NUF2: variants seen among roughly 807,000 people sequenced by gnomAD.
NUF2 encodes NUF2 component of NDC80 kinetochore complex.
NUF2 carries 34 observed loss-of-function variants against 61.8 expected under a neutral mutation model. The observed-to-expected ratio is 0.55, with a 90% CI of 0.42 to 0.73. The LOEUF (loss-of-function observed/expected upper bound fraction) is 0.73. Ranked by LOEUF, NUF2 falls within the 30% of genes least tolerant of loss-of-function variation. NUF2 has a pLI of 0.00. For synonymous variants in NUF2, 172 were observed against 181.6 expected, an observed-to-expected ratio of 0.95 and a Z score of 0.42; for missense variants, 445 against 539.1, an observed-to-expected ratio of 0.83 and a Z score of 1.73.
At chr1:163,324,085 A>G (rs559451614) in intron 1 of NUF2, among the ~76,000 whole-genome samples, 16 of 152,300 alleles carry the variant, frequency 1.1e-4, no homozygotes, top group African/African-American at 3.8e-4. Flanking sequence ...TTAGAGGAAG[A>G]TGAATAAGAT....
At chr1:163,323,421 A>G (rs987516813) in intron 1 of NUF2, among the ~76,000 whole-genome samples, 6 of 152,172 alleles carry the variant, frequency 3.9e-5, no homozygotes, top group African/African-American at 1.4e-4. Context: ...CTGGATTCCA[A>G]AAGATCCCAG....
At chr1:163,322,598 T>G (rs1650268018) in intron 1 of NUF2, among the ~76,000 whole-genome samples, 1 of 152,262 alleles carries the variant, frequency 6.6e-6, no homozygotes, top group South Asian at 2.1e-4. Context: ...AACGTTTTAC[T>G]TAATTCATTG....
Position 163,347,862 on chromosome 1 carries a change from G to A in NUF2, c.1048G>A (p.Glu350Lys). The A allele has an allele frequency of 6.2e-7, 1 of 1,612,092 alleles. No homozygotes were observed. The highest frequency in any genetic ancestry group is 8.5e-7 in the Non-Finnish European group (1 of 1,179,176). Reference protein sequence around the residue: ...SFKRLMIVKKEKLATAQFKIN... With the variant: ...SFKRLMIVKKKKLATAQFKIN... The stretch of plus-strand genomic sequence containing the variant: ...CAAAAGACTGATGATTGTGAAGAAG[G>A]AAAAACTTGCCACAGCACAATTCAA... The change falls in exon 12 of 14, where the codon GAA becomes AAA. Residue 350 changes from glutamate (E) to lysine (K), a missense_variant. By Grantham distance (56) the Glu-to-Lys change is moderately conservative. Transcript: ENST00000271452.
At chr1:163,327,380 G>T (rs1650458787) in intron 2 of NUF2, 108 bp from the exon 3 acceptor site, 3 of 662,096 alleles carry the variant, frequency 4.5e-6, no homozygotes, top group African/African-American at 1.8e-5. Flanking sequence ...TAATTTTGTT[G>T]CCTTTTTCTT....
chr1:163,347,966 A>G (rs766618049), intron 12 of NUF2, 28 bp downstream of exon 12: 2 of 1,398,206 alleles, frequency 1.4e-6, no homozygotes, highest in Non-Finnish European at 1.9e-6. Flanking sequence ...ATTTTAGTGT[A>G]TTAGAAAGCA....
chr1:163,336,213 C>G (rs941766736), intron 5 of NUF2, among the ~76,000 whole-genome samples: 1 of 152,136 alleles, frequency 6.6e-6, no homozygotes, highest in Admixed American at 6.5e-5. Flanking sequence ...CTACAGATTT[C>G]CAGAACTCTT....
rs530426104 is a variant in NUF2, at chr1:163,334,047, C to T, written c.338-2704C>T. ...ATGTGTACCCATTATTTATTTCCCA[C>T]TTATAAGTGACAATGTGCAGTATTT... On this transcript the variant is annotated intron_variant, in intron 5 of 13. Transcript: ENST00000271452. Among the ~76,000 whole-genome samples, 21 of 152,240 alleles carry T rather than the reference C, an allele frequency of 1.4e-4. 1 individual carries two copies. Among genetic ancestry groups the T allele is most frequent in the African/African-American group, 4.3e-4 (18 of 41,536 alleles).
At chr1:163,346,402 A>C (rs1463306995) in intron 11 of NUF2, among the ~76,000 whole-genome samples, 2 of 152,210 alleles carry the variant, frequency 1.3e-5, no homozygotes, top group Non-Finnish European at 2.9e-5. Flanking sequence ...AGATATTGCT[A>C]GGCTACTGTT....
At chr1:163,335,620 C>T (rs886682054) in intron 5 of NUF2, among the ~76,000 whole-genome samples, 2 of 151,902 alleles carry the variant, frequency 1.3e-5, no homozygotes, top group Non-Finnish European at 2.9e-5. Context: ...CCCCTGCCCG[C>T]CATTTACGTT....
chr1:163,328,978 T>TG lies in NUF2; in HGVS notation c.337+71_337+72insG, dbSNP rs1553230862. On this transcript the variant is annotated intron_variant, in intron 5 of 13. Transcript: ENST00000271452. ...CATTTCACCTTTCCATCAGTAAATG[T>TG]AAAAAAAAAAAAAAAGGAAAAAAAC... is the stretch of plus-strand genomic sequence containing the variant. 1.5e-5 allele frequency: 7 copies of TG among 474,886 alleles called. No homozygotes were observed. In the Admixed American group the frequency reaches 2.5e-4, roughly 17 times the overall value. 29.4% of individuals were successfully genotyped at this position (474,886 alleles called of 1,614,324 possible). A position where few individuals can be genotyped will look rare whatever the true frequency, so the allele number is the denominator to read the frequency against.
At chr1:163,329,887 C>A (rs1293757627) in intron 5 of NUF2, among the ~76,000 whole-genome samples, 1 of 152,050 alleles carries the variant, frequency 6.6e-6, no homozygotes, top group African/African-American at 2.4e-5. Flanking sequence ...AATTAGCTAG[C>A]AAGCTATGAG....
At chr1:163,340,499 G>T in intron 9 of NUF2, 73 bp downstream of exon 9, 2 of 1,008,952 alleles carry the variant, frequency 2.0e-6, no homozygotes. Context: ...AGCTGTGTGT[G>T]TTATTATGGG....
intron 2 of NUF2, among the ~76,000 whole-genome samples, 166 bp from the exon 3 acceptor site, chr1:163,327,322 G>T (rs1481174252): frequency 2.6e-5 from 4 of 152,238 alleles, no homozygotes; most frequent in South Asian, 4.2e-4. Context: ...GCATCATAAG[G>T]TGTTTTAAAA....
Position 163,347,793 on chromosome 1 carries a change from G to T in NUF2, c.979G>T (p.Asp327Tyr). ...SLNLEDQIES[D>Y]ESELKKLKTE... ...GAACTTGGAGGACCAAATTGAGAGT[G>T]ATGAGTCAGAACTGAAGAAATTGAA... The change falls in exon 12 of 14, where the codon GAT (aspartate) becomes TAT (tyrosine). Residue 327 changes from aspartate to tyrosine, a missense_variant. Asp to Tyr is a radical substitution (Grantham distance 160). Transcript: ENST00000271452. 1 of 1,596,550 alleles carries T rather than the reference G, an allele frequency of 6.3e-7. No individual in the cohort carries two copies. The highest frequency in any genetic ancestry group is 1.2e-5 in the South Asian group (1 of 86,740).
At chr1:163,353,463 CT>C (rs541372689) in intron 13 of NUF2, among the ~76,000 whole-genome samples, 28 of 152,170 alleles carry the variant, frequency 1.8e-4, no homozygotes, top group African/African-American at 6.5e-4. Flanking sequence ...CTATTGAGTC[CT>C]TGATGTGTGG....
At chr1:163,353,146 A>G (rs6698878) in intron 13 of NUF2, among the ~76,000 whole-genome samples, 63,225 of 152,046 alleles carry the variant, frequency 0.42, 13,537 homozygotes, top group South Asian at 0.59. Context: ...GGTGCTCGAT[A>G]TCCAAACTGG....
chr1:163,331,870 C>CT (rs925327681), intron 5 of NUF2, among the ~76,000 whole-genome samples: 18 of 150,720 alleles, frequency 1.2e-4, no homozygotes, highest in African/African-American at 2.9e-4. Flanking sequence ...TTTGTTTATT[C>CT]TTTTTTTTTC....
chr1:163,353,723 A>G (rs1037437745), intron 13 of NUF2, among the ~76,000 whole-genome samples: 1 of 152,186 alleles, frequency 6.6e-6, no homozygotes, highest in Non-Finnish European at 1.5e-5. Context: ...AATACATAGT[A>G]TTTGTCAGGG....
At chr1:163,323,519 G>T (rs2101661678) in intron 1 of NUF2, among the ~76,000 whole-genome samples, 1 of 152,254 alleles carries the variant, frequency 6.6e-6, no homozygotes, top group South Asian at 2.1e-4. Context: ...AGAAGTTCAA[G>T]ACCAGACTGG....
Sources: gnomAD v4.1 joint callset for allele counts (sites outside exome capture counted in the v4.1 genomes callset) on GRCh38, gnomAD v4.1.1 for gene constraint, MANE v1.5 for transcripts, NCBI Gene and HGNC (gene_info 2026-07-23, HGNC 2026-07-21) for gene names.